HIF1AN: variants seen among roughly 807,000 people sequenced by gnomAD.
HIF1AN encodes the protein hypoxia inducible factor 1 subunit alpha inhibitor.
Under a neutral mutation model 47.7 loss-of-function variants are expected in HIF1AN, and 21 were observed. That is an observed-to-expected ratio of 0.44 (90% CI 0.31 to 0.63). The LOEUF (loss-of-function observed/expected upper bound fraction) is 0.63, where lower values mean the gene tolerates loss of function less well. Among genes scored for constraint, HIF1AN ranks in the 30% least tolerant of loss-of-function variants. The pLI is 0.07. For missense variants in HIF1AN, 320 were observed against 432.7 expected (o/e 0.74, Z 2.31); for synonymous variants, 152 against 155.9 (o/e 0.98, Z 0.18).
In HIF1AN at chr10:100,551,123, A is replaced by G. The variant is rs967875653; in HGVS notation, c.*2986A>G. ...AAGTCAAATATTTGTTGGGGGTTGG[A>G]GTTCTGGGGTTGGAGGAGGGGCTGT... On this transcript the variant is annotated 3_prime_UTR_variant, in exon 8 of 8. Transcript: ENST00000299163. 2 of 151,820 alleles carry G rather than the reference A, an allele frequency of 1.3e-5. No homozygotes were observed. Among genetic ancestry groups the G allele is most frequent in the African/African-American group, 4.8e-5 (2 of 41,304 alleles). The allele number at this position is 151,820 out of a possible 1,614,324, so 9.4% of individuals were successfully genotyped here.
rs1852212389 is a variant in HIF1AN at position 100,535,971 on chromosome 10, G to A, written c.13G>A (p.Ala5Thr). 1 of 1,551,214 alleles carries A rather than the reference G, an allele frequency of 6.4e-7. No homozygotes were observed. The highest frequency in any genetic ancestry group is 8.7e-7 in the Non-Finnish European group (1 of 1,148,858). The change falls in exon 1 of 8, where the codon GCG becomes ACG. Residue 5 changes from alanine (A) to threonine (T), a missense_variant. Ala to Thr is a moderately conservative substitution (Grantham distance 58). Transcript: ENST00000299163. The stretch of plus-strand genomic sequence containing the variant: ...CCTGGCGGCGGAGATGGCGGCGACA[G>A]CGGCGGAGGCTGTGGCCTCTGGCTC... MAAT[A>T]AEAVASGSGE...
At chr10:100,542,615 A>G (rs1350483823) in intron 3 of HIF1AN, among the ~76,000 whole-genome samples, 2 of 152,220 alleles carry the variant, frequency 1.3e-5, no homozygotes, top group East Asian at 3.9e-4. Flanking sequence ...CCGGCCTCCC[A>G]AAGTGCTGGG....
rs1843113674 is a variant in HIF1AN at position 100,548,261 on chromosome 10, A to G, written c.*124A>G. 1.2e-6 allele frequency: 1 copy of G among 810,088 alleles called. No individual in the cohort carries two copies. Among genetic ancestry groups the G allele is most frequent in the African/African-American group, 1.8e-5 (1 of 56,200 alleles). The allele number at this position is 810,088 out of a possible 1,614,324, so 50.2% of individuals were successfully genotyped here. On this transcript the variant is annotated 3_prime_UTR_variant, in exon 8 of 8. Coordinates refer to ENST00000299163, the MANE Select transcript of HIF1AN (RefSeq NM_017902.3). ...GCACTTAATGGACTGGACTCTTGCCATGGCCCAGGAGTCAGGTGTTTGGAG... is the reference window on the plus strand; with the variant it reads ...GCACTTAATGGACTGGACTCTTGCCGTGGCCCAGGAGTCAGGTGTTTGGAG...
intron 3 of HIF1AN, among the ~76,000 whole-genome samples, chr10:100,543,948 GAT>G (rs1476255174): frequency 6.6e-6 from 1 of 152,204 alleles, no homozygotes; most frequent in African/African-American, 2.4e-5. Flanking sequence ...CTCAGGTAGA[GAT>G]GAGAGAGCAA....
chr10:100,555,372 C>G lies in HIF1AN; in HGVS notation c.*7235C>G, dbSNP rs1843206189. The G allele has an allele frequency of 1.3e-5, 2 of 152,350 alleles. No homozygotes were observed. Among genetic ancestry groups the G allele is most frequent in the South Asian group, 2.1e-4 (1 of 4,824 alleles). The allele number at this position is 152,350 out of a possible 1,614,324, so 9.4% of individuals were successfully genotyped here. On this transcript the variant is annotated 3_prime_UTR_variant, in exon 8 of 8. Transcript: ENST00000299163. The stretch of plus-strand genomic sequence containing the variant: ...TTTGTGTTCTGGCCTCTGGAGCCAC[C>G]CTGCCAGACCCTACTTGGAAGAAAT...
At position 100,549,463 on chromosome 10, in the gene HIF1AN, G is replaced by C. The variant is rs11816840; in HGVS notation, c.*1326G>C. ...AAAGCCAGCTCCTCTGCCAGACCCCGTTGTAATGTGCCACAACACCCTCAA... is the reference window on the plus strand; with the variant it reads ...AAAGCCAGCTCCTCTGCCAGACCCCCTTGTAATGTGCCACAACACCCTCAA... On this transcript the variant is annotated 3_prime_UTR_variant, in exon 8 of 8. Coordinates refer to ENST00000299163, the MANE Select transcript of HIF1AN (RefSeq NM_017902.3). The C allele has an allele frequency of 0.2, 30,813 of 152,198 alleles. 3,236 individuals carry two copies. Among genetic ancestry groups the C allele is most frequent in the South Asian group, 0.23 (1,106 of 4,826 alleles). 9.4% of individuals were successfully genotyped at this position (152,198 alleles called of 1,614,324 possible).
At chr10:100,547,064 G>A in intron 6 of HIF1AN, 76 bp from the exon 7 acceptor site, 1 of 1,040,942 alleles carries the variant, frequency 9.6e-7, no homozygotes, top group Non-Finnish European at 1.5e-6. Context: ...TAGAAGGGAG[G>A]ATGGTACTAA....
At chr10:100,545,814 A>C (rs1843087777) in intron 4 of HIF1AN, 129 bp from the exon 5 acceptor site, 1 of 659,692 alleles carries the variant, frequency 1.5e-6, no homozygotes, top group Non-Finnish European at 2.7e-6. Context: ...ATAAATTCCA[A>C]ATACTTTTTT....
At chr10:100,547,862 C>T (rs1255494231) in intron 7 of HIF1AN, among the ~76,000 whole-genome samples, 5 of 151,876 alleles carry the variant, frequency 3.3e-5, no homozygotes, top group African/African-American at 1.2e-4. Context: ...CGGTAAGAGA[C>T]GGTGTTGTGC....
At position 100,555,473 on chromosome 10, in the gene HIF1AN, G is replaced by A. The variant is rs953144586; in HGVS notation, c.*7336G>A. ...GAATTCTCAGCCCTTTCCACATCAT[G>A]ATCCCATTAATCTCTTGGGTCTATC... On this transcript the variant is annotated 3_prime_UTR_variant, in exon 8 of 8. Transcript: ENST00000299163. 1.3e-5 allele frequency: 2 copies of A among 152,180 alleles called. No homozygotes were observed. The allele number at this position is 152,180 out of a possible 1,614,324, so 9.4% of individuals were successfully genotyped here.
At chr10:100,539,651 G>A (rs1458273846) in intron 2 of HIF1AN, among the ~76,000 whole-genome samples, 2 of 152,220 alleles carry the variant, frequency 1.3e-5, no homozygotes, top group African/African-American at 4.8e-5. Flanking sequence ...TGTGGCAGAA[G>A]GAAAGAGATG....
intron 1 of HIF1AN, 59 bp from the exon 2 acceptor site, chr10:100,536,352 A>G (rs1213329847): frequency 1.1e-5 from 17 of 1,592,034 alleles, no homozygotes; most frequent in African/African-American, 2.7e-5. Context: ...ATGGAGGCCA[A>G]CCCACCGGCT....
intron 4 of HIF1AN, 78 bp from the exon 5 acceptor site, chr10:100,545,865 T>G (rs1843088524): frequency 1.1e-6 from 1 of 891,450 alleles, no homozygotes; most frequent in Non-Finnish European, 1.8e-6. Context: ...TTGTTTTTAC[T>G]GCCAAACTGG....
intron 6 of HIF1AN, 43 bp downstream of exon 6, chr10:100,546,624 G>C (rs1843096599): frequency 7.0e-7 from 1 of 1,434,570 alleles, no homozygotes. Flanking sequence ...GATGGAACTG[G>C]CTCTTGGGTG....
intron 2 of HIF1AN, among the ~76,000 whole-genome samples, chr10:100,540,396 T>C (rs1843014466): frequency 6.6e-6 from 1 of 152,078 alleles, no homozygotes; most frequent in Admixed American, 6.6e-5. Context: ...CCTTGTTTCT[T>C]TAAACAAAAC....
Position 100,543,197 on chromosome 10 carries a change from T to TTTG in HIF1AN, c.578-1754_578-1753insTTG, listed in dbSNP as rs563260610. On this transcript the variant is annotated intron_variant, in intron 3 of 7. Transcript: ENST00000299163. Reference sequence around the variant, plus strand: ...CTGCCTCTTTTTTTGTTTTTGTTTTTGTTTTTTATTGAGACAGTGTCTCAC... The same window carrying TTTG: ...CTGCCTCTTTTTTTGTTTTTGTTTTTTTGGTTTTTTATTGAGACAGTGTCTCAC... 3.7e-3 allele frequency among the ~76,000 whole-genome samples: 564 copies of TTTG among 152,184 alleles called. 4 individuals carry two copies. The highest frequency in any genetic ancestry group is 0.013 in the African/African-American group (538 of 41,514).
intron 1 of HIF1AN, 77 bp from the exon 2 acceptor site, chr10:100,536,334 T>C: frequency 1.3e-6 from 2 of 1,533,576 alleles, no homozygotes; most frequent in African/African-American, 1.4e-5. Context: ...TGAGAAGTAG[T>C]TGGGATCATG....
At position 100,546,546 on chromosome 10, in the gene HIF1AN, G is replaced by C; in HGVS notation, c.859G>C (p.Gly287Arg). The change falls in exon 6 of 8, where the codon GGG becomes CGG. Residue 287 changes from glycine (G) to arginine (R), a missense_variant. By Grantham distance (125) the Gly-to-Arg change is moderately radical (BLOSUM62 -2). This residue lies in a region of HIF1AN where 161 missense variants were observed against 272.8 expected (regional missense o/e 0.59). Coordinates refer to ENST00000299163, the MANE Select transcript of HIF1AN (RefSeq NM_017902.3). ...GCATCACATAGAGTCATTACTAAAT[G>C]GGGGGATTACCATCACTGTGAACTT... ...WWHHIESLLNGGITITVNFWY... is the reference protein window; with the variant it reads ...WWHHIESLLNRGITITVNFWY... 1 of 1,608,290 alleles carries C rather than the reference G, an allele frequency of 6.2e-7. No homozygotes were observed. The highest frequency in any genetic ancestry group is 8.5e-7 in the Non-Finnish European group (1 of 1,177,792).
rs764531450 is a variant in HIF1AN, at chr10:100,536,590, C to G, written c.357C>G (p.Asn119Lys). 1 of 1,614,030 alleles carries G rather than the reference C, an allele frequency of 6.2e-7. No individual in the cohort carries two copies. Among genetic ancestry groups the G allele is most frequent in the Non-Finnish European group, 8.5e-7 (1 of 1,180,034 alleles). ...TCCAGAACTTTAAGCCGAGGTCCAACAGGGAAGAAATGAAATTTCATGAGT... is the reference window on the plus strand; with the variant it reads ...TCCAGAACTTTAAGCCGAGGTCCAAGAGGGAAGAAATGAAATTTCATGAGT... ...ANFQNFKPRS[N>K]REEMKFHEFV... Residue 119 changes from asparagine to lysine, a missense_variant, in exon 2 of 8, where the codon AAC (asparagine) becomes AAG (lysine). Transcript: ENST00000299163.
Sources: gnomAD v4.1 joint callset for allele counts (sites outside exome capture counted in the v4.1 genomes callset) on GRCh38, gnomAD v4.1.1 for gene constraint, gnomAD v4.1.1 regional missense constraint, MANE v1.5 for transcripts, NCBI Gene and HGNC (gene_info 2026-07-23, HGNC 2026-07-21) for gene names.